CFAP61: variants seen among roughly 807,000 people sequenced by gnomAD.
CFAP61 encodes cilia- and flagella-associated protein 61.
In CFAP61, 107 loss-of-function variants were observed where a neutral mutation model predicts 135.6. The observed-to-expected ratio is 0.79, with a 90% CI of 0.67 to 0.93. The LOEUF (loss-of-function observed/expected upper bound fraction) is 0.93. Among genes scored for constraint, CFAP61 ranks in the 40% least tolerant of loss-of-function variants. CFAP61 has a pLI of 0.00. For synonymous variants in CFAP61, 575 were observed against 578.5 expected (o/e 0.99, Z 0.09); for missense variants, 1,507 against 1,556.2 (o/e 0.97, Z 0.53).
rs73285326 is a variant in CFAP61 at position 20,287,993 on chromosome 20, G to A, written c.2797-616G>A. 4.1e-3 allele frequency among the ~76,000 whole-genome samples: 626 copies of A among 152,268 alleles called. 3 individuals are homozygous for A. The highest frequency in any genetic ancestry group is 0.014 in the African/African-American group (588 of 41,556). On this transcript the variant is annotated intron_variant, in intron 22 of 26. Transcript: ENST00000245957. ...CACCCTCACACAGTGCCTGGCATAT[G>A]GTAGGTATGCCATCAGTATTTCTTG...
chr20:20,316,199 T>G (rs1397207120), intron 25 of CFAP61, among the ~76,000 whole-genome samples: 1 of 152,144 alleles, frequency 6.6e-6, no homozygotes, highest in Non-Finnish European at 1.5e-5. Context: ...TTTGTTTGTA[T>G]CCTCATTTAT....
At chr20:20,341,642 G>A (rs1340686596) in intron 25 of CFAP61, among the ~76,000 whole-genome samples, 189 bp from the exon 26 acceptor site, 1 of 152,142 alleles carries the variant, frequency 6.6e-6, no homozygotes, top group Non-Finnish European at 1.5e-5. Context: ...GTAATTATGG[G>A]ACCTGGCCTT....
chr20:20,334,177 A>G (rs1426700424), intron 25 of CFAP61, among the ~76,000 whole-genome samples: 1 of 152,176 alleles, frequency 6.6e-6, no homozygotes, highest in Non-Finnish European at 1.5e-5. Flanking sequence ...CCCAGGCTAG[A>G]GAGCAGTGGC....
intron 12 of CFAP61, 73 bp from the exon 13 acceptor site, chr20:20,169,248 T>G (rs1234994241): frequency 7.7e-6 from 11 of 1,430,592 alleles, no homozygotes; most frequent in Non-Finnish European, 8.6e-6. Context: ...TTTCTTGGTG[T>G]TTTTTAGAGG....
At chr20:20,054,041 A>T (rs1488522002) in intron 1 of CFAP61, among the ~76,000 whole-genome samples, 22 of 126,324 alleles carry the variant, frequency 1.7e-4, no homozygotes, top group Non-Finnish European at 3.7e-4. Flanking sequence ...TTTTAGGAAA[A>T]ATGTATTATC....
intron 13 of CFAP61, among the ~76,000 whole-genome samples, chr20:20,187,402 A>G (rs2055587053): frequency 6.6e-6 from 1 of 152,228 alleles, no homozygotes; most frequent in South Asian, 2.1e-4. Flanking sequence ...AGAGGCTCCA[A>G]GGCCCCTGAC....
At chr20:20,169,049 A>G (rs1054983713) in intron 12 of CFAP61, among the ~76,000 whole-genome samples, 3 of 152,072 alleles carry the variant, frequency 2.0e-5, no homozygotes, top group Non-Finnish European at 2.9e-5. Flanking sequence ...AACTACTTCC[A>G]CAGAAGAGTT....
At chr20:20,126,181 G>A (rs745339997) in intron 8 of CFAP61, among the ~76,000 whole-genome samples, 11 of 151,746 alleles carry the variant, frequency 7.2e-5, no homozygotes, top group Admixed American at 1.3e-4. Context: ...TGTTTTAAGC[G>A]GAACATTTAG....
chr20:20,351,228 C>T (rs114410063), intron 26 of CFAP61, among the ~76,000 whole-genome samples: 3,529 of 152,014 alleles, frequency 0.023, 135 homozygotes, highest in African/African-American at 0.081. Context: ...CACCAAAAAA[C>T]TTTTGGAACT....
intron 2 of CFAP61, among the ~76,000 whole-genome samples, chr20:20,059,158 T>C (rs962117469): frequency 1.8e-4 from 28 of 151,390 alleles, no homozygotes; most frequent in African/African-American, 6.6e-4. Flanking sequence ...TGAAACCCCA[T>C]CTCTACTAAA....
chr20:20,163,506 A>T (rs1288878671), intron 10 of CFAP61, among the ~76,000 whole-genome samples: 1 of 152,156 alleles, frequency 6.6e-6, no homozygotes, highest in African/African-American at 2.4e-5. Flanking sequence ...CTACCCTGGG[A>T]TGCAGTTAAA....
At position 20,159,412 on chromosome 20, in the gene CFAP61, G is replaced by A. The variant is rs757917635; in HGVS notation, c.994G>A (p.Ala332Thr). Residue 332 changes from alanine (A) to threonine (T), a missense_variant, in exon 10 of 27, where the codon GCA becomes ACA. By Grantham distance (58) the Ala-to-Thr change is moderately conservative. Coordinates refer to ENST00000245957, the MANE Select transcript of CFAP61 (RefSeq NM_015585.4). ...AGCTGCATCCGAGGAAGCTTTAACA[G>A]CAGTCCAAAGTGGAAATGTTAGTGA... ...REAASEEALT[A>T]VQSGNVSEPE... 2.5e-6 allele frequency: 4 copies of A among 1,613,982 alleles called. No individual in the cohort carries two copies. Among genetic ancestry groups the A allele is most frequent in the South Asian group, 1.1e-5 (1 of 91,076 alleles).
rs572654941 is a variant in CFAP61 at position 20,353,781 on chromosome 20, G to A, written c.3514-6429G>A. On this transcript the variant is annotated intron_variant, in intron 26 of 26. Coordinates refer to ENST00000245957, the MANE Select transcript of CFAP61 (RefSeq NM_015585.4). ...CAGGGAAATGGAAATTAAAACCACA[G>A]TGAGCTACCACCTCACCCTTGTTAG... Among the ~76,000 whole-genome samples, 21 of 152,274 alleles carry A rather than the reference G, an allele frequency of 1.4e-4. No homozygotes were observed. The East Asian group carries it at 3.7e-3, about 27-fold the overall frequency.
At chr20:20,127,348 C>T (rs1156232644) in intron 8 of CFAP61, among the ~76,000 whole-genome samples, 1 of 151,652 alleles carries the variant, frequency 6.6e-6, no homozygotes, top group Non-Finnish European at 1.5e-5. Flanking sequence ...TTTGGGTAGG[C>T]TCTGTCAGAG....
intron 20 of CFAP61, chr20:20,253,948 TCTCTC>T: frequency 1.6e-5 from 2 of 125,638 alleles, no homozygotes; most frequent in African/African-American, 3.0e-5. Context: ...CTGAAGAATC[TCTCTC>T]CTCCCCTCCC....
chr20:20,078,887 A>G (rs1183126896), intron 6 of CFAP61, among the ~76,000 whole-genome samples: 2 of 152,220 alleles, frequency 1.3e-5, no homozygotes, highest in African/African-American at 4.8e-5. Flanking sequence ...ACAAATTGCC[A>G]GTATCAGGAA....
chr20:20,296,578 C>T (rs1419731654), intron 24 of CFAP61, among the ~76,000 whole-genome samples: 1 of 151,668 alleles, frequency 6.6e-6, no homozygotes, highest in Non-Finnish European at 1.5e-5. Context: ...ATGCCACAGC[C>T]TGAGTATTTA....
intron 25 of CFAP61, among the ~76,000 whole-genome samples, chr20:20,333,410 G>A (rs550132800): frequency 2.6e-5 from 4 of 152,266 alleles, no homozygotes; most frequent in African/African-American, 9.6e-5. Context: ...GGCAGAGCTG[G>A]GGTAAAAAGA....
chr20:20,323,941 G>A (rs537912552), intron 25 of CFAP61, among the ~76,000 whole-genome samples: 6 of 152,146 alleles, frequency 3.9e-5, no homozygotes, highest in African/African-American at 1.4e-4. Flanking sequence ...TTTTAATGGC[G>A]TTATTTTTTA....
Sources: allele counts gnomAD v4.1 joint callset (sites outside exome capture counted in the v4.1 genomes callset), GRCh38; gene constraint gnomAD v4.1.1; transcripts MANE v1.5; gene names NCBI Gene and HGNC (gene_info 2026-07-23, HGNC 2026-07-21).